IQANK1: variants seen among roughly 807,000 people sequenced by gnomAD.
IQANK1 encodes the protein IQ motif and ankyrin repeat domain-containing protein 1.
IQANK1 carries 30 observed loss-of-function variants against 22.6 expected under a neutral mutation model. That is an observed-to-expected ratio of 1.33 (90% confidence interval 0.99 to 1.80). The LOEUF (loss-of-function observed/expected upper bound fraction) is 1.80. Ranked by LOEUF, IQANK1 falls within the 40% of genes most tolerant of loss-of-function variation. The probability of loss-of-function intolerance (pLI) is 0.00; values close to 1 mark genes in which losing one functional copy is unlikely to be tolerated. For synonymous variants in IQANK1, 122 were observed against 99.6 expected (o/e 1.23, Z -1.34); for missense variants, 275 against 235.2 (o/e 1.17, Z -1.11).
chr8:143,743,143 C>G (rs1554626849), intron 3 of IQANK1: 1 of 422,388 alleles, frequency 2.4e-6, no homozygotes, highest in East Asian at 7.2e-5. Context: ...TCGAGGAAAG[C>G]CAGCCGTGCT....
At chr8:143,741,536 C>T (rs62526395) in intron 3 of IQANK1, among the ~76,000 whole-genome samples, 9 of 152,172 alleles carry the variant, frequency 5.9e-5, no homozygotes, top group Non-Finnish European at 1.2e-4. Context: ...AGGGGGGATT[C>T]TACACATGTG....
chr8:143,740,137 C>T (rs1405654475), intron 3 of IQANK1, among the ~76,000 whole-genome samples, 189 bp downstream of exon 3: 1 of 152,066 alleles, frequency 6.6e-6, no homozygotes, highest in Non-Finnish European at 1.5e-5. Context: ...CCGCGACACG[C>T]CCGAGCCCCT....
chr8:143,775,961 A>C (rs111823267), intron 7 of IQANK1, among the ~76,000 whole-genome samples: 6,015 of 152,150 alleles, frequency 0.04, 364 homozygotes, highest in African/African-American at 0.13. Context: ...GAAACTCTCC[A>C]AAATGAAACA....
Position 143,735,840 on chromosome 8 carries a change from C to T in IQANK1, c.-4-10C>T. The T allele has an allele frequency of 1.4e-6, 1 of 702,584 alleles. No individual in the cohort carries two copies. 43.5% of individuals were successfully genotyped at this position (702,584 alleles called of 1,614,324 possible). A position where few individuals can be genotyped will look rare whatever the true frequency, so the allele number is the denominator to read the frequency against. ...ACCCTCTCCCTGGTCCTTCCCTACC[C>T]ACCCCCCAGGAGAATGGACAGTAAG... On this transcript the variant is annotated splice_polypyrimidine_tract_variant and intron_variant, in intron 1 of 13. Transcript: ENST00000527139. This position sits in a 1 kb window ranked among gnomAD's most constrained non-coding sequence, Gnocchi z 5.2.
At chr8:143,761,885 A>G (rs1195324178) in intron 3 of IQANK1, among the ~76,000 whole-genome samples, 1 of 88,158 alleles carries the variant, frequency 1.1e-5, no homozygotes, top group African/African-American at 2.6e-5. Context: ...ATATATCCTA[A>G]CATATATGAT....
intron 10 of IQANK1, 62 bp downstream of exon 10, chr8:143,789,590 C>G: frequency 1.6e-6 from 2 of 1,230,868 alleles, no homozygotes; most frequent in African/African-American, 1.6e-5. Flanking sequence ...TTGTTCCAAA[C>G]CAGCCCAGAG....
At chr8:143,745,052 C>T (rs981281192) in intron 3 of IQANK1, 76 of 152,296 alleles carry the variant, frequency 5.0e-4, no homozygotes, top group African/African-American at 1.8e-3. Context: ...GGCAAATGGC[C>T]ACAGACTCCT....
chr8:143,750,906 C>G (rs1170986578), intron 3 of IQANK1, among the ~76,000 whole-genome samples: 1 of 151,666 alleles, frequency 6.6e-6, no homozygotes, highest in Non-Finnish European at 1.5e-5. Flanking sequence ...TGCCATATAA[C>G]TTTTTTTGTC....
chr8:143,742,152 C>T, intron 3 of IQANK1: 1 of 352,258 alleles, frequency 2.8e-6, no homozygotes, highest in South Asian at 2.1e-5. Context: ...CACCCCCAAG[C>T]CTTTCCCAGC....
rs57180297 is a variant in IQANK1, at chr8:143,752,996, G to T, written c.175+13048G>T. Among the ~76,000 whole-genome samples, 107 of 69,928 alleles carry T rather than the reference G, an allele frequency of 1.5e-3. 2 individuals carry two copies. The highest frequency in any genetic ancestry group is 5.5e-3 in the African/African-American group (89 of 16,078). 45.9% of individuals were successfully genotyped at this position (69,928 alleles called of 152,430 possible). On this transcript the variant is annotated intron_variant, in intron 3 of 13. Coordinates refer to ENST00000527139, the MANE Select transcript of IQANK1 (RefSeq NM_001381874.1). ...CCCACAGGTCCCTTACTCTCTGTTC[G>T]TTTTTTTTTTTTTTTTTTTTTTTTT...
intron 3 of IQANK1, among the ~76,000 whole-genome samples, chr8:143,767,135 C>T (rs543655466): frequency 1.3e-5 from 2 of 152,348 alleles, no homozygotes; most frequent in South Asian, 2.1e-4. Context: ...TTGGCTCTTT[C>T]GCAGATACAT....
intron 3 of IQANK1, among the ~76,000 whole-genome samples, chr8:143,753,780 A>G (rs571972463): frequency 4.9e-4 from 74 of 151,982 alleles, no homozygotes; most frequent in African/African-American, 1.4e-3. Context: ...CTGTTGATTT[A>G]TTTTTGTTTT....
At chr8:143,751,664 G>GTGTGTGTATATATATATATATATA (rs370428606) in intron 3 of IQANK1, among the ~76,000 whole-genome samples, 16 of 61,546 alleles carry the variant, frequency 2.6e-4, no homozygotes, top group East Asian at 3.8e-4. Flanking sequence ...GTGTGTGTGT[G>GTGTGTGTATATATATATATATATA]TATATATATA....
Position 143,789,239 on chromosome 8 carries a change from A to C in IQANK1, c.989A>C (p.Lys330Thr). The C allele has an allele frequency of 7.5e-6, 3 of 398,098 alleles. No individual in the cohort carries two copies. Among genetic ancestry groups the C allele is most frequent in the Middle Eastern group, 6.3e-4 (1 of 1,576 alleles). The allele number at this position is 398,098 out of a possible 1,614,324, so 24.7% of individuals were successfully genotyped here. A position where few individuals can be genotyped will look rare whatever the true frequency, so the allele number is the denominator to read the frequency against. Residue 330 changes from lysine to threonine, a missense_variant, in exon 9 of 14, where the codon AAG (lysine) becomes ACG (threonine). Transcript: ENST00000527139. ...QLTREQQQCH[K>T]ELQQAYCELS... Reference sequence around the variant, plus strand: ...ACCAGGGAGCAGCAGCAGTGTCACAAGGAGGTGAGTGTGACCTCAGGGAGG... The same window carrying C: ...ACCAGGGAGCAGCAGCAGTGTCACACGGAGGTGAGTGTGACCTCAGGGAGG...
intron 3 of IQANK1, chr8:143,759,321 T>G (rs1819351519): frequency 6.2e-6 from 1 of 160,568 alleles, no homozygotes; most frequent in Non-Finnish European, 1.4e-5. Context: ...CTGGCACTGA[T>G]TCCACGGGTG....
At chr8:143,789,931 G>A (rs1025933498) in intron 11 of IQANK1, 40 bp from the exon 12 acceptor site, 31 of 1,231,846 alleles carry the variant, frequency 2.5e-5, no homozygotes, top group East Asian at 3.2e-5. Context: ...GGGGTCCGGC[G>A]TCGGGCTTGC....
At position 143,790,060 on chromosome 8, in the gene IQANK1, G is replaced by A. The variant is rs1554632037; in HGVS notation, c.1285G>A (p.Gly429Ser). Residue 429 changes from glycine (G) to serine (S), a missense_variant, in exon 12 of 14, where the codon GGC (glycine) becomes AGC (serine). Gly to Ser is a moderately conservative substitution (Grantham distance 56, BLOSUM62 0). Coordinates refer to ENST00000527139, the MANE Select transcript of IQANK1 (RefSeq NM_001381874.1). ...TGTAGGCAACCGCATCCGTGCCGAT[G>A]GCCGGTCAGTTCTCCGGGCCAGACG... Reference protein sequence around the residue: ...KDVGNRIRADGRWPLVIDPLG... With the variant: ...KDVGNRIRADSRWPLVIDPLG... 8.1e-7 allele frequency: 1 copy of A among 1,232,008 alleles called. No individual in the cohort carries two copies. Among genetic ancestry groups the A allele is most frequent in the East Asian group, 3.2e-5 (1 of 31,728 alleles). The allele number at this position is 1,232,008 out of a possible 1,614,324, so 76.3% of individuals were successfully genotyped here.
intron 3 of IQANK1, chr8:143,741,871 C>T (rs1487358950): frequency 6.1e-6 from 1 of 162,812 alleles, no homozygotes; most frequent in Non-Finnish European, 1.4e-5. Context: ...GCCCTGCTCT[C>T]CCCACGTCTG....
chr8:143,734,493 C>T (rs2129725499), intron 1 of IQANK1, among the ~76,000 whole-genome samples: 2 of 151,616 alleles, frequency 1.3e-5, no homozygotes, highest in South Asian at 4.2e-4. Flanking sequence ...CCCCCATGCA[C>T]ATGCGGACCC....
Sources: gnomAD v4.1 joint callset for allele counts (sites outside exome capture counted in the v4.1 genomes callset) on GRCh38, gnomAD v4.1.1 for gene constraint, Gnocchi (gnomAD v3.1) non-coding constraint, MANE v1.5 for transcripts, NCBI Gene and HGNC (gene_info 2026-07-23, HGNC 2026-07-21) for gene names.